AKT3: variants seen among roughly 807,000 people sequenced by gnomAD.
AKT3 encodes the protein RAC-gamma serine/threonine-protein kinase.
Under a neutral mutation model 65.3 loss-of-function variants are expected in AKT3, and 15 were observed. The ratio of observed to expected loss-of-function variants is 0.23; its 90% CI spans 0.15 to 0.35. The LOEUF (loss-of-function observed/expected upper bound fraction) is 0.35, where lower values mean the gene tolerates loss of function less well. AKT3 is among the 10% of genes least tolerant of loss of function. The pLI is 1.00. For synonymous variants in AKT3, 206 were observed against 183.8 expected, an observed-to-expected ratio of 1.12 and a Z score of -0.98; for missense variants, 243 against 576.5, an observed-to-expected ratio of 0.42 and a Z score of 5.92.
At chr1:243,707,223 TAG>T (rs920445051) in intron 2 of AKT3, among the ~76,000 whole-genome samples, 44 of 152,280 alleles carry the variant, frequency 2.9e-4, no homozygotes, top group African/African-American at 1.0e-3. Flanking sequence ...CAAAAGTAAC[TAG>T]AGTGTTTAAA....
intron 2 of AKT3, among the ~76,000 whole-genome samples, chr1:243,712,185 G>A (rs761761801): frequency 9.9e-5 from 15 of 152,066 alleles, no homozygotes; most frequent in Non-Finnish European, 2.2e-4. Flanking sequence ...ATATATTCAC[G>A]GCCACCTATA....
chr1:243,812,083 G>A (rs374077351), intron 2 of AKT3, among the ~76,000 whole-genome samples: 6 of 152,026 alleles, frequency 3.9e-5, no homozygotes, highest in Admixed American at 3.3e-4. Flanking sequence ...AAGAAAACCT[G>A]GGCAATACCA....
chr1:243,688,380 T>G (rs1215470380), intron 3 of AKT3, among the ~76,000 whole-genome samples: 1 of 152,166 alleles, frequency 6.6e-6, no homozygotes, highest in African/African-American at 2.4e-5. Context: ...AGTGTTTAAT[T>G]GTGGATATAT....
At chr1:243,668,543 T>A (rs745388363) in intron 3 of AKT3, among the ~76,000 whole-genome samples, 22 of 151,918 alleles carry the variant, frequency 1.4e-4, no homozygotes, top group Non-Finnish European at 2.2e-4. Flanking sequence ...TCTGGGAAAA[T>A]CAAAGTACAA....
At chr1:243,518,708 CA>C (rs1670520355) in intron 12 of AKT3, among the ~76,000 whole-genome samples, 1 of 152,088 alleles carries the variant, frequency 6.6e-6, no homozygotes, top group South Asian at 2.1e-4. Context: ...GATTTCATTA[CA>C]AATTTCTAGA....
At chr1:243,570,806 A>G (rs1379334297) in intron 9 of AKT3, among the ~76,000 whole-genome samples, 1 of 152,212 alleles carries the variant, frequency 6.6e-6, no homozygotes, top group African/African-American at 2.4e-5. Flanking sequence ...TGCTAACTAT[A>G]TACTTAGGTC....
At chr1:243,779,932 TA>T (rs1403947262) in intron 2 of AKT3, among the ~76,000 whole-genome samples, 2 of 152,066 alleles carry the variant, frequency 1.3e-5, no homozygotes, top group East Asian at 1.9e-4. Flanking sequence ...TAAAAGATTA[TA>T]ACCCATTGAG....
chr1:243,595,752 T>G (rs1486474181), intron 8 of AKT3, among the ~76,000 whole-genome samples: 2 of 152,172 alleles, frequency 1.3e-5, no homozygotes, highest in Admixed American at 6.6e-5. Flanking sequence ...AGGCATCGAG[T>G]AGTCATCTCC....
intron 2 of AKT3, among the ~76,000 whole-genome samples, chr1:243,785,249 T>G (rs1393351441): frequency 2.0e-5 from 3 of 151,524 alleles, no homozygotes; most frequent in Admixed American, 1.3e-4. Flanking sequence ...TTTTTTTTTT[T>G]TTGTATTTTT....
chr1:243,714,008 C>T (rs1686332177), intron 2 of AKT3, among the ~76,000 whole-genome samples: 1 of 152,032 alleles, frequency 6.6e-6, no homozygotes, highest in African/African-American at 2.4e-5. Context: ...AAGAGTTCTG[C>T]TGCAGAGTAG....
At chr1:243,841,085 AATAAG>A (rs1296511925) in intron 2 of AKT3, among the ~76,000 whole-genome samples, 2 of 152,152 alleles carry the variant, frequency 1.3e-5, no homozygotes, top group Non-Finnish European at 2.9e-5. Context: ...TTCATCTCAA[AATAAG>A]CACATACACA....
At chr1:243,627,654 A>G (rs929467615) in intron 6 of AKT3, among the ~76,000 whole-genome samples, 1 of 152,172 alleles carries the variant, frequency 6.6e-6, no homozygotes, top group Non-Finnish European at 1.5e-5. Flanking sequence ...TGGAGGATAA[A>G]TCCAGCAAAT....
At chr1:243,701,737 G>C (rs1421589939) in intron 2 of AKT3, among the ~76,000 whole-genome samples, 1 of 149,884 alleles carries the variant, frequency 6.7e-6, no homozygotes, top group Non-Finnish European at 1.5e-5. Flanking sequence ...TCCGATACAG[G>C]TGCTAGCTTT....
chr1:243,668,461 T>C (rs918412030), intron 3 of AKT3, among the ~76,000 whole-genome samples: 1 of 152,042 alleles, frequency 6.6e-6, no homozygotes, highest in African/African-American at 2.4e-5. Context: ...TGAATTAGGA[T>C]ATAAAGTCAT....
At chr1:243,537,117 C>G (rs1412822262) in intron 12 of AKT3, among the ~76,000 whole-genome samples, 1 of 152,134 alleles carries the variant, frequency 6.6e-6, no homozygotes, top group Non-Finnish European at 1.5e-5. Flanking sequence ...CACAAATGAT[C>G]TTGATACACC....
intron 4 of AKT3, among the ~76,000 whole-genome samples, chr1:243,659,575 G>A (rs1395554837): frequency 6.6e-6 from 1 of 151,730 alleles, no homozygotes; most frequent in Non-Finnish European, 1.5e-5. Flanking sequence ...GGTCAAAGGG[G>A]AAAAAAAGAC....
At chr1:243,613,783 T>C (rs1248073714) in intron 7 of AKT3, 44 bp from the exon 8 acceptor site, 1 of 1,259,456 alleles carries the variant, frequency 7.9e-7, no homozygotes. Context: ...TAATCCTGTA[T>C]TCTTATAATT....
At chr1:243,629,224 T>C (rs952719733) in intron 6 of AKT3, among the ~76,000 whole-genome samples, 3 of 152,078 alleles carry the variant, frequency 2.0e-5, no homozygotes, top group East Asian at 1.9e-4. Flanking sequence ...TGCAGTGAGC[T>C]GAGTTTGCAC....
chr1:243,652,771 CAAAAAAAAA>C lies in AKT3; in HGVS notation c.285-6743_285-6735del, dbSNP rs371580711. Among the ~76,000 whole-genome samples the C allele has an allele frequency of 1.2e-3, 37 of 31,296 alleles. 1 individual carries two copies. The highest frequency in any genetic ancestry group is 9.8e-3 in the South Asian group (4 of 408). The allele number at this position is 31,296 out of a possible 152,430, so 20.5% of individuals were successfully genotyped here. On this transcript the variant is annotated intron_variant, in intron 4 of 13. Coordinates refer to ENST00000673466, the MANE Select transcript of AKT3 (RefSeq NM_005465.7). ...GAATATTTACCAAGCAAATAGAAAG[CAAAAAAAAA>C]AAAAAAAAAAAAAGCAGGAGTTGCA...
Sources: gnomAD v4.1 joint callset for allele counts (sites outside exome capture counted in the v4.1 genomes callset) on GRCh38, gnomAD v4.1.1 for gene constraint, MANE v1.5 for transcripts, NCBI Gene and HGNC (gene_info 2026-07-23, HGNC 2026-07-21) for gene names.